Variants in FGFR2 observed in about 807,000 individuals in gnomAD.
FGFR2 encodes the protein BEK fibroblast growth factor receptor.
FGFR2 carries 19 observed loss-of-function variants against 95.9 expected under a neutral mutation model. The ratio of observed to expected loss-of-function variants is 0.20; its 90% CI spans 0.14 to 0.29. The LOEUF (loss-of-function observed/expected upper bound fraction) is 0.29, where lower values mean the gene tolerates loss of function less well. Ranked by LOEUF, FGFR2 falls within the 10% of genes least tolerant of loss-of-function variation. The pLI, the probability that FGFR2 is intolerant of heterozygous loss-of-function variation, is 1.00. For missense variants in FGFR2, 707 were observed against 1,056.9 expected, an observed-to-expected ratio of 0.67 and a Z score of 4.59; for synonymous variants, 392 against 393.3, an observed-to-expected ratio of 1.00 and a Z score of 0.04.
intron 17 of FGFR2, among the ~76,000 whole-genome samples, chr10:121,483,242 C>T (rs961663717): frequency 1.3e-5 from 2 of 152,172 alleles, no homozygotes; most frequent in Non-Finnish European, 2.9e-5. Flanking sequence ...TAGGATAGTA[C>T]TGTGGTAACA....
chr10:121,485,069 C>T lies in FGFR2; in HGVS notation c.2195+326G>A, dbSNP rs1486072419. 2.6e-5 allele frequency among the ~76,000 whole-genome samples: 4 copies of T among 152,098 alleles called. No homozygotes were observed. The highest frequency in any genetic ancestry group is 6.5e-5 in the Admixed American group (1 of 15,276). On this transcript the variant is annotated intron_variant, in intron 16 of 17. Coordinates refer to ENST00000358487, the MANE Select transcript of FGFR2 (RefSeq NM_000141.5). This position sits in a 1 kb window ranked among gnomAD's most constrained non-coding sequence, Gnocchi z 4.2. ...ACCCGTGGGTCTTCCTGTCACTCCA[C>T]GGGAGACCGCAGAAGGTGCAGCACA...
intron 8 of FGFR2, 59 bp from the exon 9 acceptor site, chr10:121,515,378 G>T: frequency 1.3e-6 from 2 of 1,514,374 alleles, no homozygotes; most frequent in South Asian, 1.1e-5. Context: ...TAGCACACCA[G>T]ACTGACGCAT....
At chr10:121,555,370 TCTCA>T (rs1314575461) in intron 4 of FGFR2, among the ~76,000 whole-genome samples, 1 of 80,466 alleles carries the variant, frequency 1.2e-5, no homozygotes, top group East Asian at 4.1e-4. Flanking sequence ...CAAAACTCTG[TCTCA>T]ATCAATCAAT....
chr10:121,569,284 G>A (rs562419282), intron 2 of FGFR2, among the ~76,000 whole-genome samples: 16 of 149,446 alleles, frequency 1.1e-4, no homozygotes, highest in African/African-American at 3.0e-4. Flanking sequence ...CCAGTGGCAC[G>A]ATCTCGGCTC....
At position 121,538,976 on chromosome 10, in the gene FGFR2, T is replaced by C. The variant is rs141410093; in HGVS notation, c.625-261A>G. 1.4e-4 allele frequency among the ~76,000 whole-genome samples: 22 copies of C among 152,350 alleles called. No individual in the cohort carries two copies. The East Asian group carries it at 3.9e-3, about 27-fold the overall frequency. ...AGTGTACAGCGTGGGTCTGTTACCA[T>C]AATGGATTTGAGGGCTCCTCTAGGA... is the stretch of plus-strand genomic sequence containing the variant. On this transcript the variant is annotated intron_variant, in intron 5 of 17. Transcript: ENST00000358487.
intron 6 of FGFR2, among the ~76,000 whole-genome samples, chr10:121,521,991 T>C (rs1330868674): frequency 6.6e-6 from 1 of 152,184 alleles, no homozygotes; most frequent in African/African-American, 2.4e-5. Context: ...GTGCAATATG[T>C]GACAACGTGG....
intron 6 of FGFR2, among the ~76,000 whole-genome samples, chr10:121,535,480 T>A (rs1320343735): frequency 6.6e-6 from 1 of 152,188 alleles, no homozygotes; most frequent in East Asian, 1.9e-4. Flanking sequence ...ATTCATGAGT[T>A]CCAGTTCCTT....
intron 2 of FGFR2, among the ~76,000 whole-genome samples, chr10:121,581,735 C>T (rs910068771): frequency 2.3e-5 from 3 of 132,088 alleles, no homozygotes; most frequent in Non-Finnish European, 4.6e-5. Flanking sequence ...CTGGGTGACA[C>T]AGTGAACAGA....
Position 121,503,841 on chromosome 10 carries a change from A to T in FGFR2, c.1388T>A (p.Val463Asp), listed in dbSNP as rs751433223. The stretch of plus-strand genomic sequence containing the variant: ...GTCCTCTGGAAGTTCATACTCGGAG[A>T]CCCCTGCCAGCATGGGGGTGTCTGC... ...STADTPMLAG[V>D]SEYELPEDPK... The change falls in exon 10 of 18, where the codon GTC becomes GAC. Residue 463 changes from valine (V) to aspartate (D), a missense_variant. Physicochemically the swap from Val to Asp is radical, Grantham distance 152 (BLOSUM62 -3). Transcript: ENST00000358487. 7 of 1,613,914 alleles carry T rather than the reference A, an allele frequency of 4.3e-6. No individual in the cohort carries two copies. In the East Asian group the frequency reaches 1.6e-4, roughly 36 times the overall value.
At chr10:121,490,256 C>G (rs1444606390) in intron 13 of FGFR2, among the ~76,000 whole-genome samples, 3 of 147,624 alleles carry the variant, frequency 2.0e-5, no homozygotes, top group Non-Finnish European at 4.4e-5. Context: ...CTCTGCCTCC[C>G]AGGTTCAAGT....
At chr10:121,540,145 T>C (rs151150009) in intron 5 of FGFR2, among the ~76,000 whole-genome samples, 4 of 152,326 alleles carry the variant, frequency 2.6e-5, no homozygotes, top group African/African-American at 9.6e-5. Context: ...TGAGTTAAGA[T>C]AGTTCTGGTC....
chr10:121,523,647 A>C (rs1364247448), intron 6 of FGFR2, among the ~76,000 whole-genome samples: 1 of 152,188 alleles, frequency 6.6e-6, no homozygotes, highest in Non-Finnish European at 1.5e-5. Flanking sequence ...TCACACAGAA[A>C]TGTGAACTTT....
At chr10:121,549,833 TTCCTTGCTTACAG>T (rs1265410244) in intron 5 of FGFR2, among the ~76,000 whole-genome samples, 19 of 152,290 alleles carry the variant, frequency 1.2e-4, no homozygotes, top group African/African-American at 3.6e-4. Context: ...GCCTCAACCC[TTCCTTGCTTACAG>T]TCCTGTGAGA....
chr10:121,586,032 C>T (rs1309540922), intron 2 of FGFR2, among the ~76,000 whole-genome samples: 4 of 152,084 alleles, frequency 2.6e-5, no homozygotes, highest in African/African-American at 4.8e-5. Context: ...TATAGTACAC[C>T]CCCCTGAGCA....
chr10:121,485,273 A>G lies in FGFR2; in HGVS notation c.2195+122T>C. 1 of 1,324,878 alleles carries G rather than the reference A, an allele frequency of 7.5e-7. No individual in the cohort carries two copies. The highest frequency in any genetic ancestry group is 1.2e-5 in the South Asian group (1 of 84,554). The allele number at this position is 1,324,878 out of a possible 1,614,324, so 82.1% of individuals were successfully genotyped here. A position where few individuals can be genotyped will look rare whatever the true frequency, so the allele number is the denominator to read the frequency against. On this transcript the variant is annotated intron_variant, in intron 16 of 17. Transcript: ENST00000358487. The surrounding 1 kb of genome is among the most constrained non-coding windows in gnomAD (Gnocchi z 4.2). ...CTCTGGATTGAGCCCAGAGAGCTTC[A>G]GCCATTCTTCTTAGAGCATGTTTAG...
intron 1 of FGFR2, 131 bp downstream of exon 1, chr10:121,597,831 G>C (rs371874604): frequency 1.4e-5 from 5 of 359,266 alleles, no homozygotes; most frequent in African/African-American, 2.1e-5. Context: ...GGGAGGACAC[G>C]GAGCGTCCTC....
chr10:121,560,522 G>A (rs1856791657), intron 4 of FGFR2, among the ~76,000 whole-genome samples: 1 of 149,844 alleles, frequency 6.7e-6, no homozygotes, highest in Non-Finnish European at 1.5e-5. Flanking sequence ...GGCTGAGGCA[G>A]GAGAATGGCG....
At chr10:121,536,422 T>C (rs1026639890) in intron 6 of FGFR2, among the ~76,000 whole-genome samples, 5 of 152,188 alleles carry the variant, frequency 3.3e-5, no homozygotes, top group African/African-American at 1.2e-4. Flanking sequence ...TTGGCCCGTG[T>C]TTAGCTGGGC....
At chr10:121,527,171 T>G (rs1446081833) in intron 6 of FGFR2, among the ~76,000 whole-genome samples, 3 of 152,210 alleles carry the variant, frequency 2.0e-5, no homozygotes, top group Non-Finnish European at 2.9e-5. Flanking sequence ...CCTTCCCTAA[T>G]TAATGTTACA....
Sources: gnomAD v4.1 joint callset for allele counts (sites outside exome capture counted in the v4.1 genomes callset) on GRCh38, gnomAD v4.1.1 for gene constraint, Gnocchi (gnomAD v3.1) non-coding constraint, MANE v1.5 for transcripts, NCBI Gene and HGNC (gene_info 2026-07-23, HGNC 2026-07-21) for gene names.